The following HLCS variants were observed in gnomAD, a reference collection of about 807,000 sequenced individuals.
The protein encoded by HLCS is biotin--protein ligase.
Under a neutral mutation model 75.0 loss-of-function variants are expected in HLCS, and 53 were observed. The observed-to-expected ratio is 0.71, with a 90% CI of 0.57 to 0.89. HLCS has a LOEUF of 0.89. Among genes scored for constraint, HLCS ranks in the 40% least tolerant of loss-of-function variants. HLCS has a pLI of 0.00. For synonymous variants in HLCS, 431 were observed against 428.6 expected (o/e 1.01, Z -0.07); for missense variants, 966 against 1,074.0 (o/e 0.90, Z 1.41).
At chr21:36,924,320 G>A (rs1031114317) in intron 5 of HLCS, among the ~76,000 whole-genome samples, 5 of 152,140 alleles carry the variant, frequency 3.3e-5, no homozygotes, top group East Asian at 1.9e-4. Context: ...AGCACTTTGC[G>A]GGGCTGAGGC....
chr21:36,782,943 C>T (rs1470944455), intron 6 of HLCS, among the ~76,000 whole-genome samples: 1 of 152,176 alleles, frequency 6.6e-6, no homozygotes, highest in Non-Finnish European at 1.5e-5. Flanking sequence ...CACCACTGCA[C>T]TCCAGCCTGG....
chr21:36,873,542 A>G (rs2063846711), intron 6 of HLCS, among the ~76,000 whole-genome samples: 1 of 152,232 alleles, frequency 6.6e-6, no homozygotes, highest in South Asian at 2.1e-4. Context: ...GTCCTTTGTC[A>G]GACATATGTT....
chr21:36,821,782 T>C (rs1031278778), intron 6 of HLCS, among the ~76,000 whole-genome samples: 2 of 152,224 alleles, frequency 1.3e-5, no homozygotes, highest in Admixed American at 1.3e-4. Context: ...GCGATTATCC[T>C]GAAACTGACA....
At chr21:36,882,619 T>TC (rs1467715860) in intron 6 of HLCS, among the ~76,000 whole-genome samples, 1 of 131,856 alleles carries the variant, frequency 7.6e-6, no homozygotes, top group African/African-American at 3.3e-5. Context: ...TTTCTTTCTT[T>TC]CTTTTTTTTT....
chr21:36,965,080 A>T (rs1450486408), intron 1 of HLCS, among the ~76,000 whole-genome samples: 1 of 152,208 alleles, frequency 6.6e-6, no homozygotes, highest in African/African-American at 2.4e-5. Flanking sequence ...ACAGTCATTC[A>T]TATTCAGTGT....
intron 2 of HLCS, among the ~76,000 whole-genome samples, chr21:36,958,587 G>A (rs547117522): frequency 2.4e-4 from 36 of 152,038 alleles, no homozygotes; most frequent in African/African-American, 7.7e-4. Context: ...TCAGGAGTTC[G>A]AGACCAGCCT....
Position 36,845,772 on chromosome 21 carries a change from C to T in HLCS, c.1892+51088G>A, listed in dbSNP as rs188863637. On this transcript the variant is annotated intron_variant, in intron 6 of 10. Coordinates refer to ENST00000674895, the MANE Select transcript of HLCS (RefSeq NM_001352514.2). Reference sequence around the variant, plus strand: ...TGTGCTAAGTAGGTAAAAAAAAGTCCAAGTATCACAGGCATCAAAATGGCC... The same window carrying T: ...TGTGCTAAGTAGGTAAAAAAAAGTCTAAGTATCACAGGCATCAAAATGGCC... Among the ~76,000 whole-genome samples the T allele has an allele frequency of 1.8e-4, 28 of 152,216 alleles. 1 individual carries two copies. The highest frequency in any genetic ancestry group is 6.3e-4 in the African/African-American group (26 of 41,538).
chr21:36,778,767 T>C (rs550449071), intron 6 of HLCS, among the ~76,000 whole-genome samples: 17 of 152,322 alleles, frequency 1.1e-4, no homozygotes, highest in African/African-American at 4.1e-4. Flanking sequence ...ATTGTATGCC[T>C]TCCTATCATT....
intron 2 of HLCS, among the ~76,000 whole-genome samples, chr21:36,941,704 T>C (rs4816550): frequency 0.55 from 84,050 of 151,946 alleles, 23,560 homozygotes; most frequent in East Asian, 0.64. Flanking sequence ...ACCCCATCTC[T>C]ACTAAAAATA....
chr21:36,950,027 C>T (rs549928762), intron 2 of HLCS, among the ~76,000 whole-genome samples: 1 of 152,246 alleles, frequency 6.6e-6, no homozygotes, highest in East Asian at 1.9e-4. Context: ...ATGGACATGT[C>T]TCTATCTCAG....
intron 6 of HLCS, 49 bp from the exon 7 acceptor site, chr21:36,767,334 C>T (rs752228732): frequency 7.7e-6 from 12 of 1,550,296 alleles, no homozygotes; most frequent in Admixed American, 1.7e-5. Context: ...GACACGCCCG[C>T]GGCACCAATG....
chr21:36,944,605 T>G (rs912303457), intron 2 of HLCS, among the ~76,000 whole-genome samples: 1 of 152,224 alleles, frequency 6.6e-6, no homozygotes, highest in Admixed American at 6.5e-5. Flanking sequence ...ATTTTGGTTT[T>G]GGTTTTTTAA....
rs2146524399 is a variant in HLCS, at chr21:36,936,620, A to G, written c.1266T>C (p.Ala422=). 4.3e-6 allele frequency: 7 copies of G among 1,614,238 alleles called. No individual in the cohort carries two copies. Among genetic ancestry groups the G allele is most frequent in the Non-Finnish European group, 5.9e-6 (7 of 1,180,040 alleles). Residue 422 remains alanine (A), a synonymous_variant, in exon 4 of 11, where the codon GCT becomes GCC. Transcript: ENST00000674895. ...CGCTGAGCTTCACCTCGCTCTGGTC[A>G]GCCTTGGAGAAAACCAAGTTCTGGA... ...KTVQNLVFSK[A]DQSEVKLSVL...
Position 36,966,444 on chromosome 21 carries a change from C to CCCCGGGGGGGG in HLCS, c.194_195insCCCCCCCCGGG (p.Gln65HisfsTer10). The CCCCGGGGGGGG allele has an allele frequency of 4.1e-6, 4 of 975,068 alleles. No individual in the cohort carries two copies. The highest frequency in any genetic ancestry group is 4.9e-6 in the Non-Finnish European group (4 of 821,278). 60.4% of individuals were successfully genotyped at this position (975,068 alleles called of 1,614,324 possible). A position where few individuals can be genotyped will look rare whatever the true frequency, so the allele number is the denominator to read the frequency against. Reference sequence around the variant, plus strand: ...TCGCCCGCCCGCCCGACCCGCCCACCTGGCTGTCGCTGACGCAGAAGACGC... The same window carrying CCCCGGGGGGGG: ...TCGCCCGCCCGCCCGACCCGCCCACCCCCGGGGGGGGTGGCTGTCGCTGACGCAGAAGACGC... On this transcript the variant is annotated frameshift_variant and splice_region_variant, in exon 1 of 11. Transcript: ENST00000674895. LOFTEE classifies it high-confidence loss of function.
At chr21:36,904,614 G>A (rs1392846928) in intron 5 of HLCS, among the ~76,000 whole-genome samples, 5 of 152,116 alleles carry the variant, frequency 3.3e-5, no homozygotes, top group African/African-American at 9.7e-5. Context: ...ACCATAGGAA[G>A]CATTTAGCCT....
At chr21:36,930,796 C>A (rs1272815257) in intron 4 of HLCS, among the ~76,000 whole-genome samples, 1 of 152,158 alleles carries the variant, frequency 6.6e-6, no homozygotes, top group Non-Finnish European at 1.5e-5. Context: ...AGCATATAAA[C>A]TCTGAAGCTG....
At chr21:36,942,707 A>G (rs1034046397) in intron 2 of HLCS, among the ~76,000 whole-genome samples, 9 of 152,184 alleles carry the variant, frequency 5.9e-5, no homozygotes. Context: ...AATAGGAGAA[A>G]GTATTGGCAA....
chr21:36,886,318 A>G (rs1380628367), intron 6 of HLCS, among the ~76,000 whole-genome samples: 1 of 151,702 alleles, frequency 6.6e-6, no homozygotes, highest in Non-Finnish European at 1.5e-5. Context: ...CTGTAGTCTC[A>G]GCTACTTGGG....
At chr21:36,885,387 G>C (rs1461249441) in intron 6 of HLCS, among the ~76,000 whole-genome samples, 2 of 151,776 alleles carry the variant, frequency 1.3e-5, no homozygotes, top group Non-Finnish European at 2.9e-5. Flanking sequence ...TCACGCCTGT[G>C]GTCCCAGCTA....
Sources: gnomAD v4.1 joint callset for allele counts (sites outside exome capture counted in the v4.1 genomes callset) on GRCh38, gnomAD v4.1.1 for gene constraint, MANE v1.5 for transcripts, NCBI Gene and HGNC (gene_info 2026-07-23, HGNC 2026-07-21) for gene names.